CCDC88C: variants seen among roughly 807,000 people sequenced by gnomAD.
CCDC88C encodes protein Daple.
In CCDC88C, 131 loss-of-function variants were observed where a neutral mutation model predicts 198.8. The observed-to-expected ratio is 0.66, with a 90% CI of 0.57 to 0.76. The LOEUF (loss-of-function observed/expected upper bound fraction) is 0.76. CCDC88C is among the 30% of genes least tolerant of loss of function. CCDC88C has a pLI of 0.00. For missense variants in CCDC88C, 2,553 were observed against 2,631.6 expected, an observed-to-expected ratio of 0.97 and a Z score of 0.65; for synonymous variants, 1,166 against 1,114.7, an observed-to-expected ratio of 1.05 and a Z score of -0.92.
chr14:91,283,185 C>T lies in CCDC88C; in HGVS notation c.4630+144G>A, dbSNP rs1254188236. On this transcript the variant is annotated intron_variant, in intron 26 of 29. Coordinates refer to ENST00000389857, the MANE Select transcript of CCDC88C (RefSeq NM_001080414.4). ...GTAAGCACAGCTGCATCTGTGCCAC[C>T]AAAGCCTGTCAGCAGCCTCACCCCT... 12 of 860,004 alleles carry T rather than the reference C, an allele frequency of 1.4e-5. No homozygotes were observed. In the Admixed American group the frequency reaches 1.9e-4, roughly 14 times the overall value. 53.3% of individuals were successfully genotyped at this position (860,004 alleles called of 1,614,324 possible).
At chr14:91,388,752 G>C (rs1197083860) in intron 3 of CCDC88C, among the ~76,000 whole-genome samples, 1 of 152,210 alleles carries the variant, frequency 6.6e-6, no homozygotes, top group Non-Finnish European at 1.5e-5. Flanking sequence ...TGTGGGCCAT[G>C]ACTCAAGCAC....
At position 91,313,586 on chromosome 14, in the gene CCDC88C, C is replaced by G. The variant is rs955631018; in HGVS notation, c.2230G>C (p.Val744Leu). Residue 744 changes from valine (V) to leucine (L), a missense_variant, in exon 15 of 30, where the codon GTG becomes CTG. Val to Leu is a conservative substitution (Grantham distance 32). Transcript: ENST00000389857. The surrounding 1 kb of genome is among the most constrained non-coding windows in gnomAD (Gnocchi z 5.2). ...EREKEELRKNVDLLKALGKKS... is the reference protein window; with the variant it reads ...EREKEELRKNLDLLKALGKKS... ...TTGCCCAGCGCCTTGAGCAGATCCA[C>G]GTTCTTCCTCAGCTCCTCCTTCTCA... The G allele has an allele frequency of 6.2e-7, 1 of 1,612,358 alleles. No homozygotes were observed. The highest frequency in any genetic ancestry group is 8.5e-7 in the Non-Finnish European group (1 of 1,179,896).
Position 91,338,723 on chromosome 14 carries a change from T to C in CCDC88C, c.810-153A>G, listed in dbSNP as rs770498079. The stretch of plus-strand genomic sequence containing the variant: ...GATCTGCTTATGGGGCCTGCAAAAA[T>C]GTTACTGACTCAAAATTCTTTTCTT... On this transcript the variant is annotated intron_variant, in intron 8 of 29. Coordinates refer to ENST00000389857, the MANE Select transcript of CCDC88C (RefSeq NM_001080414.4). This position sits in a 1 kb window ranked among gnomAD's most constrained non-coding sequence, Gnocchi z 4.8. 4 of 612,092 alleles carry C rather than the reference T, an allele frequency of 6.5e-6. No homozygotes were observed. The highest frequency in any genetic ancestry group is 1.2e-5 in the Non-Finnish European group (4 of 343,120). The allele number at this position is 612,092 out of a possible 1,614,324, so 37.9% of individuals were successfully genotyped here. A position where few individuals can be genotyped will look rare whatever the true frequency, so the allele number is the denominator to read the frequency against.
At chr14:91,386,532 G>A (rs17804071) in intron 3 of CCDC88C, among the ~76,000 whole-genome samples, 25,045 of 152,122 alleles carry the variant, frequency 0.16, 2,264 homozygotes, top group Admixed American at 0.21. Flanking sequence ...GTGCACATCT[G>A]CGCATGCCAC....
rs1884772453 is a variant in CCDC88C, at chr14:91,381,241, G to C, written c.271-21530C>G. Among the ~76,000 whole-genome samples, 1 of 152,154 alleles carries C rather than the reference G, an allele frequency of 6.6e-6. No homozygotes were observed. Among genetic ancestry groups the C allele is most frequent in the Admixed American group, 6.5e-5 (1 of 15,282 alleles). ...GTCCCCCAGCTTGTCCTCTGAAGGA[G>C]ACTGTGACCCACCAGACCCCTCACA... On this transcript the variant is annotated intron_variant, in intron 3 of 29. Coordinates refer to ENST00000389857, the MANE Select transcript of CCDC88C (RefSeq NM_001080414.4). The surrounding 1 kb of genome is among the most constrained non-coding windows in gnomAD (Gnocchi z 4.2).
At chr14:91,276,917 A>G (rs751819030) in intron 29 of CCDC88C, among the ~76,000 whole-genome samples, 32 of 152,242 alleles carry the variant, frequency 2.1e-4, no homozygotes, top group Non-Finnish European at 3.8e-4. Flanking sequence ...GGCCAAATCC[A>G]GCTAGCCGCC....
rs562564466 is a variant in CCDC88C, at chr14:91,359,750, G to A, written c.271-39C>T. On this transcript the variant is annotated intron_variant, in intron 3 of 29. Coordinates refer to ENST00000389857, the MANE Select transcript of CCDC88C (RefSeq NM_001080414.4). ...GGGGGAAAAGATACCATTAAGAACC[G>A]GAAACAAAAATAAAGAGGGATTAAG... 6.8e-5 allele frequency: 106 copies of A among 1,556,638 alleles called. 1 individual carries two copies. The South Asian group carries it at 9.5e-4, about 14-fold the overall frequency.
chr14:91,315,550 T>C (rs1892056041), intron 14 of CCDC88C, 100 bp downstream of exon 14: 2 of 1,293,512 alleles, frequency 1.5e-6, no homozygotes, highest in Non-Finnish European at 2.2e-6. Flanking sequence ...TAACGGATAA[T>C]CCATGCATCC....
intron 3 of CCDC88C, among the ~76,000 whole-genome samples, chr14:91,390,226 A>G (rs1476607486): frequency 6.6e-6 from 1 of 152,064 alleles, no homozygotes; most frequent in African/African-American, 2.4e-5. Flanking sequence ...CCTTATGATG[A>G]CTGTCACACA....
chr14:91,285,444 T>TC (rs11341843), intron 25 of CCDC88C: 12 of 456,398 alleles, frequency 2.6e-5, no homozygotes, highest in South Asian at 1.6e-4. Context: ...ATCCTGAGGC[T>TC]CCCCCTAAAA....
intron 22 of CCDC88C, among the ~76,000 whole-genome samples, chr14:91,294,933 C>G (rs992311465): frequency 6.6e-6 from 1 of 152,204 alleles, no homozygotes; most frequent in African/African-American, 2.4e-5. Context: ...GCTGGGATTA[C>G]AGGCGTGAAC....
At position 91,288,928 on chromosome 14, in the gene CCDC88C, G is replaced by A. The variant is rs1283492916; in HGVS notation, c.4441+177C>T. On this transcript the variant is annotated intron_variant, in intron 25 of 29. Transcript: ENST00000389857. This position sits in a 1 kb window ranked among gnomAD's most constrained non-coding sequence, Gnocchi z 4.2. ...TAAAATAAAGTAACAAAAGCATTAT[G>A]GGACAAAACGGTCGCCACGCTGAAT... The A allele has an allele frequency of 1.8e-6, 1 of 570,200 alleles. No homozygotes were observed. The highest frequency in any genetic ancestry group is 1.9e-5 in the African/African-American group (1 of 53,492). The allele number at this position is 570,200 out of a possible 1,614,324, so 35.3% of individuals were successfully genotyped here.
chr14:91,312,310 C>T (rs1487161449), intron 15 of CCDC88C, among the ~76,000 whole-genome samples: 1 of 152,216 alleles, frequency 6.6e-6, no homozygotes, highest in African/African-American at 2.4e-5. Flanking sequence ...ATCGCTTGAA[C>T]CCAGGAGGTG....
chr14:91,415,832 T>C (rs1212647288), intron 2 of CCDC88C, among the ~76,000 whole-genome samples: 1 of 152,236 alleles, frequency 6.6e-6, no homozygotes, highest in Non-Finnish European at 1.5e-5. Context: ...CCTCTGCCTT[T>C]GTGAGCCACA....
rs560095878 is a variant in CCDC88C, at chr14:91,351,738, A to G, written c.340+7904T>C. 3.3e-5 allele frequency among the ~76,000 whole-genome samples: 5 copies of G among 151,928 alleles called. No homozygotes were observed. In the South Asian group the frequency reaches 1.0e-3, roughly 32 times the overall value. On this transcript the variant is annotated intron_variant, in intron 4 of 29. Coordinates refer to ENST00000389857, the MANE Select transcript of CCDC88C (RefSeq NM_001080414.4). ...AATGGTGCAGGAGCCTCCCGGGGGC[A>G]CTCTGACTAGTGGCCCTTTACTCTA...
chr14:91,308,316 G>A (rs1421911953), intron 17 of CCDC88C, 35 bp downstream of exon 17: 8 of 1,610,340 alleles, frequency 5.0e-6, no homozygotes, highest in Admixed American at 1.7e-5. Context: ...CTGAGAATGG[G>A]CAGCTGGGCC....
At chr14:91,312,778 ATAAT>A (rs1891891998) in intron 15 of CCDC88C, among the ~76,000 whole-genome samples, 3 of 149,234 alleles carry the variant, frequency 2.0e-5, no homozygotes, top group Admixed American at 6.6e-5. Context: ...AAACCACAAC[ATAAT>A]TAATAAAAAC....
intron 27 of CCDC88C, chr14:91,279,628 A>T: frequency 4.5e-6 from 1 of 224,522 alleles, no homozygotes; most frequent in South Asian, 8.8e-5. Flanking sequence ...GACAAAAAAA[A>T]GGCTGTGCTG....
At chr14:91,320,206 C>T (rs1180216608) in intron 13 of CCDC88C, among the ~76,000 whole-genome samples, 1 of 152,130 alleles carries the variant, frequency 6.6e-6, no homozygotes, top group East Asian at 1.9e-4. Context: ...GCCAAGGGAA[C>T]CAACCATGTT....
Sources: gnomAD v4.1 joint callset for allele counts (sites outside exome capture counted in the v4.1 genomes callset) on GRCh38, gnomAD v4.1.1 for gene constraint, Gnocchi (gnomAD v3.1) non-coding constraint, MANE v1.5 for transcripts, NCBI Gene and HGNC (gene_info 2026-07-23, HGNC 2026-07-21) for gene names.